AKAP19: variants seen among roughly 807,000 people sequenced by gnomAD.
AKAP19 encodes the protein small A-kinase anchoring protein.
the AKAP19 span, among the ~76,000 whole-genome samples, chr2:190,038,443 A>G: frequency 6.6e-6 from 1 of 152,124 alleles, no homozygotes; most frequent in Non-Finnish European, 1.5e-5. Context: ...CTGGCACCAT[A>G]TTAGATATAA....
At chr2:190,181,281 C>T in the AKAP19 span, 5 of 398,748 alleles carry the variant, frequency 1.3e-5, no homozygotes, top group Non-Finnish European at 1.7e-5. Context: ...CTCACATCTC[C>T]GTCCCCTAAT....
chr2:190,062,167 TA>T, the AKAP19 span: 4 of 1,593,636 alleles, frequency 2.5e-6, no homozygotes, highest in African/African-American at 4.0e-5. Context: ...CTGTTTCTCA[TA>T]AACACTAGAA....
chr2:190,120,619 A>G, the AKAP19 span, among the ~76,000 whole-genome samples: 2 of 152,232 alleles, frequency 1.3e-5, no homozygotes, highest in African/African-American at 4.8e-5. Context: ...TTAATTCCCT[A>G]TGTTTTTGAT....
chr2:189,948,318 G>A, the AKAP19 span, among the ~76,000 whole-genome samples: 1 of 151,866 alleles, frequency 6.6e-6, no homozygotes, highest in South Asian at 2.1e-4. Flanking sequence ...ATTCAGATGA[G>A]AAGAATAATT....
chr2:190,066,377 C>A, the AKAP19 span, among the ~76,000 whole-genome samples: 1 of 152,058 alleles, frequency 6.6e-6, no homozygotes, highest in East Asian at 1.9e-4. Context: ...TAAAGACTTG[C>A]CGGAAGTTTA....
the AKAP19 span, among the ~76,000 whole-genome samples, chr2:190,104,894 C>T: frequency 6.6e-6 from 1 of 152,166 alleles, no homozygotes; most frequent in Non-Finnish European, 1.5e-5. Flanking sequence ...AAATGCCCCA[C>T]ATCACTAATC....
chr2:190,085,501 G>A, the AKAP19 span, among the ~76,000 whole-genome samples: 2 of 152,214 alleles, frequency 1.3e-5, no homozygotes, highest in East Asian at 3.9e-4. Flanking sequence ...TAGTGAAGAG[G>A]GAATGAGGCA....
chr2:189,996,375 C>T, the AKAP19 span, among the ~76,000 whole-genome samples: 2 of 152,044 alleles, frequency 1.3e-5, no homozygotes, highest in African/African-American at 4.8e-5. Flanking sequence ...TCTACTTGTT[C>T]TAGTCTATTG....
chr2:190,083,623 G>A, the AKAP19 span, among the ~76,000 whole-genome samples: 1 of 152,218 alleles, frequency 6.6e-6, no homozygotes, highest in Non-Finnish European at 1.5e-5. Flanking sequence ...ACATTGATTA[G>A]TGATTAGCTA....
At chr2:189,918,847 A>G in the AKAP19 span, among the ~76,000 whole-genome samples, 1 of 152,248 alleles carries the variant, frequency 6.6e-6, no homozygotes, top group Non-Finnish European at 1.5e-5. Context: ...ACTGGCACAT[A>G]GTATAGTGTG....
chr2:190,151,265 T>A, the AKAP19 span, among the ~76,000 whole-genome samples: 2 of 152,322 alleles, frequency 1.3e-5, no homozygotes, highest in Middle Eastern at 3.4e-3. Flanking sequence ...ATTTGTTACA[T>A]AGGAAAACGT....
chr2:190,115,938 G>A, the AKAP19 span, among the ~76,000 whole-genome samples: 2 of 152,196 alleles, frequency 1.3e-5, no homozygotes, highest in African/African-American at 2.4e-5. Context: ...AATGTTCTAG[G>A]AAGTTCATAC....
At chr2:189,983,537 C>T in the AKAP19 span, among the ~76,000 whole-genome samples, 1 of 152,336 alleles carries the variant, frequency 6.6e-6, no homozygotes, top group East Asian at 1.9e-4. Context: ...CAACAATATG[C>T]AAGGAAACGC....
the AKAP19 span, among the ~76,000 whole-genome samples, chr2:189,948,354 G>A: frequency 7.0e-4 from 88 of 124,848 alleles, 1 homozygote; most frequent in African/African-American, 2.1e-3. Flanking sequence ...TAGCTTAGAG[G>A]ACATATGCCT....
chr2:190,010,373 G>T, the AKAP19 span, among the ~76,000 whole-genome samples: 3 of 152,282 alleles, frequency 2.0e-5, no homozygotes, highest in Non-Finnish European at 4.4e-5. Flanking sequence ...TGCAGAGGAG[G>T]TGCTATGACT....
chr2:190,154,939 T>C, the AKAP19 span, among the ~76,000 whole-genome samples: 1 of 152,130 alleles, frequency 6.6e-6, no homozygotes, highest in Non-Finnish European at 1.5e-5. Context: ...TTGAGTGAAA[T>C]GTGCAGTTGG....
chr2:190,180,833 CGGGCGCCGCCGAA>C, the AKAP19 span: 1 of 985,224 alleles, frequency 1.0e-6, no homozygotes, highest in Non-Finnish European at 1.2e-6. The surrounding 1 kb of genome is among the most constrained non-coding windows in gnomAD (Gnocchi z 6.8). Flanking sequence ...GCCGGGAGCC[CGGGCGCCGCCGAA>C]GGACGCCCCG....
the AKAP19 span, among the ~76,000 whole-genome samples, chr2:190,085,904 A>G: frequency 6.6e-6 from 1 of 152,222 alleles, no homozygotes; most frequent in African/African-American, 2.4e-5. Context: ...TTCTGCTTGC[A>G]CTAGAAACTA....
At chr2:189,929,076 T>A in the AKAP19 span, among the ~76,000 whole-genome samples, 1 of 152,224 alleles carries the variant, frequency 6.6e-6, no homozygotes, top group Admixed American at 6.5e-5. Context: ...TTTTTTGAGA[T>A]CACAACTATG....
Sources: gnomAD v4.1 joint callset for allele counts (sites outside exome capture counted in the v4.1 genomes callset) on GRCh38, gnomAD v4.1.1 for gene constraint, Gnocchi (gnomAD v3.1) non-coding constraint, MANE v1.5 for transcripts, NCBI Gene and HGNC (gene_info 2026-07-23, HGNC 2026-07-21) for gene names.